BMPR2: variants seen among roughly 807,000 people sequenced by gnomAD.
BMPR2 encodes bone morphogenetic protein receptor type-2.
In BMPR2, 29 loss-of-function variants were observed where a neutral mutation model predicts 100.8. That is an observed-to-expected ratio of 0.29 (90% CI 0.21 to 0.39). BMPR2 has a LOEUF of 0.39. Ranked by LOEUF, BMPR2 falls within the 10% of genes least tolerant of loss-of-function variation. The pLI is 1.00. For missense variants in BMPR2, 1,011 were observed against 1,274.5 expected (o/e 0.79, Z 3.15); for synonymous variants, 382 against 442.3 (o/e 0.86, Z 1.71).
chr2:202,398,588 A>G (rs1420002380), intron 1 of BMPR2, among the ~76,000 whole-genome samples: 1 of 152,230 alleles, frequency 6.6e-6, no homozygotes, highest in Non-Finnish European at 1.5e-5. Flanking sequence ...GTAACACACT[A>G]AGACAAAATA....
At chr2:202,537,570 G>A in intron 9 of BMPR2, among the ~76,000 whole-genome samples, 1 of 152,122 alleles carries the variant, frequency 6.6e-6, no homozygotes, top group Admixed American at 6.6e-5. Flanking sequence ...TGGGAAGATA[G>A]AAACAGTTCT....
chr2:202,522,883 G>A (rs139002807), intron 7 of BMPR2, among the ~76,000 whole-genome samples: 77 of 151,816 alleles, frequency 5.1e-4, no homozygotes, highest in African/African-American at 1.7e-3. Context: ...CTTCCTCTAA[G>A]ATATACATGC....
chr2:202,418,926 A>C (rs538714983), intron 1 of BMPR2, among the ~76,000 whole-genome samples: 1 of 152,348 alleles, frequency 6.6e-6, no homozygotes, highest in South Asian at 2.1e-4. Flanking sequence ...AGGCTATTTC[A>C]AGATATGGCA....
intron 1 of BMPR2, among the ~76,000 whole-genome samples, chr2:202,431,777 A>G (rs1691508534): frequency 6.6e-6 from 1 of 150,588 alleles, no homozygotes; most frequent in African/African-American, 2.5e-5. Context: ...AGAACACTCT[A>G]TGATGTTCAT....
chr2:202,415,582 C>CT (rs1691111093), intron 1 of BMPR2, among the ~76,000 whole-genome samples: 1 of 152,214 alleles, frequency 6.6e-6, no homozygotes, highest in Non-Finnish European at 1.5e-5. Context: ...CAGCTGGTGA[C>CT]TTTAAGTTGA....
Position 202,531,013 on chromosome 2 carries a change from C to T in BMPR2, c.1128+59C>T, listed in dbSNP as rs1688014583. On this transcript the variant is annotated intron_variant, in intron 8 of 12. Coordinates refer to ENST00000374580, the MANE Select transcript of BMPR2 (RefSeq NM_001204.7). ...CTTTGAAATGATAATTTAATTAAAA[C>T]ATCTACTGGCCAGGTGTGGTGGCTC... 21 of 1,594,760 alleles carry T rather than the reference C, an allele frequency of 1.3e-5. No homozygotes were observed. In the South Asian group the frequency reaches 2.3e-4, roughly 18 times the overall value.
chr2:202,526,361 C>CT (rs1687912438), intron 7 of BMPR2, among the ~76,000 whole-genome samples: 1 of 152,154 alleles, frequency 6.6e-6, no homozygotes, highest in East Asian at 1.9e-4. Flanking sequence ...GTGAAGAGAA[C>CT]TTTAATATAT....
intron 7 of BMPR2, 105 bp downstream of exon 7, chr2:202,520,306 G>A: frequency 1.2e-6 from 1 of 806,924 alleles, no homozygotes; most frequent in Non-Finnish European, 2.1e-6. Context: ...TATTATTGGA[G>A]ATTTATTATT....
intron 1 of BMPR2, among the ~76,000 whole-genome samples, chr2:202,415,253 TGAGGTTGG>T (rs1009183561): frequency 6.6e-6 from 1 of 151,958 alleles, no homozygotes; most frequent in African/African-American, 2.4e-5. Context: ...GCAGATCACC[TGAGGTTGG>T]GAGTTTGAGA....
At chr2:202,535,305 G>A (rs1459245276) in intron 9 of BMPR2, among the ~76,000 whole-genome samples, 2 of 150,798 alleles carry the variant, frequency 1.3e-5, no homozygotes, top group East Asian at 2.0e-4. Context: ...GCTGCCGGGC[G>A]GAGGGGCTCC....
At chr2:202,533,067 G>A (rs944993850) in intron 9 of BMPR2, among the ~76,000 whole-genome samples, 2 of 152,076 alleles carry the variant, frequency 1.3e-5, no homozygotes, top group African/African-American at 2.4e-5. Flanking sequence ...GTACACTTAC[G>A]ATGTTTACTG....
At chr2:202,440,950 T>C (rs959672949) in intron 1 of BMPR2, among the ~76,000 whole-genome samples, 1 of 150,552 alleles carries the variant, frequency 6.6e-6, no homozygotes, top group Admixed American at 6.6e-5. Flanking sequence ...AGTATTTATT[T>C]GCTTTCCCAC....
rs539823910 is a variant in BMPR2, at chr2:202,565,953, A to G, written c.*6007A>G. The G allele has an allele frequency of 1.3e-5, 2 of 152,294 alleles. No homozygotes were observed. The highest frequency in any genetic ancestry group is 2.4e-5 in the African/African-American group (1 of 41,574). 9.4% of individuals were successfully genotyped at this position (152,294 alleles called of 1,614,324 possible). A position where few individuals can be genotyped will look rare whatever the true frequency, so the allele number is the denominator to read the frequency against. On this transcript the variant is annotated 3_prime_UTR_variant, in exon 13 of 13. Coordinates refer to ENST00000374580, the MANE Select transcript of BMPR2 (RefSeq NM_001204.7). The stretch of plus-strand genomic sequence containing the variant: ...TCAAAATAAATCTATCGTATCTTTA[A>G]AAGTCCAATTCTGTTATTACTGTGA...
Position 202,555,348 on chromosome 2 carries a change from C to T in BMPR2, c.1683C>T (p.Ser561=), listed in dbSNP as rs969875909. Residue 561 remains serine (S), a synonymous_variant, in exon 12 of 13, where the codon AGC becomes AGT. Transcript: ENST00000374580. The stretch of plus-strand genomic sequence containing the variant: ...AAGACTCTATCCATCATACTGACAG[C>T]ATCGTGAAGAATATTTCCTCTGAGC... ...YIEDSIHHTD[S]IVKNISSEHS... 4 of 1,614,090 alleles carry T rather than the reference C, an allele frequency of 2.5e-6. No homozygotes were observed. The East Asian group carries it at 6.7e-5, about 27-fold the overall frequency.
At chr2:202,445,914 A>G (rs1691839969) in intron 1 of BMPR2, among the ~76,000 whole-genome samples, 1 of 148,586 alleles carries the variant, frequency 6.7e-6, no homozygotes, top group African/African-American at 2.6e-5. Flanking sequence ...AGCTGAGACT[A>G]CAGGCGCCCG....
At chr2:202,396,629 T>G (rs149960543) in intron 1 of BMPR2, among the ~76,000 whole-genome samples, 9 of 152,200 alleles carry the variant, frequency 5.9e-5, no homozygotes, top group African/African-American at 1.9e-4. Context: ...GCAGAGAACA[T>G]CATAAAGAGA....
intron 10 of BMPR2, among the ~76,000 whole-genome samples, chr2:202,551,110 T>C (rs1296564617): frequency 6.6e-6 from 1 of 151,962 alleles, no homozygotes; most frequent in Non-Finnish European, 1.5e-5. Context: ...TATACAAGTC[T>C]TTGTATAAAC....
At chr2:202,410,859 G>A (rs899880422) in intron 1 of BMPR2, among the ~76,000 whole-genome samples, 11 of 152,136 alleles carry the variant, frequency 7.2e-5, no homozygotes, top group Non-Finnish European at 2.9e-5. Context: ...GATTACAGAC[G>A]TGAGCCACTG....
At chr2:202,544,486 C>CT (rs1688337699) in intron 10 of BMPR2, among the ~76,000 whole-genome samples, 1 of 152,210 alleles carries the variant, frequency 6.6e-6, no homozygotes, top group Non-Finnish European at 1.5e-5. Context: ...CCTACAATCT[C>CT]CATGTGCTCT....
Sources: gnomAD v4.1 joint callset for allele counts (sites outside exome capture counted in the v4.1 genomes callset) on GRCh38, gnomAD v4.1.1 for gene constraint, MANE v1.5 for transcripts, NCBI Gene and HGNC (gene_info 2026-07-23, HGNC 2026-07-21) for gene names.